Variants in TPD52L1 observed in about 807,000 individuals in gnomAD.
The protein encoded by TPD52L1 is TPD52 like 1.
TPD52L1 carries 18 observed loss-of-function variants against 28.7 expected under a neutral mutation model. The ratio of observed to expected loss-of-function variants is 0.63; its 90% CI spans 0.43 to 0.93. The LOEUF (loss-of-function observed/expected upper bound fraction) is 0.93, where lower values mean the gene tolerates loss of function less well. Ranked by LOEUF, TPD52L1 falls within the 40% of genes least tolerant of loss-of-function variation. The pLI is 0.00. For missense variants in TPD52L1, 203 were observed against 254.8 expected (o/e 0.80, Z 1.39); for synonymous variants, 75 against 88.8 (o/e 0.84, Z 0.88).
intron 2 of TPD52L1, among the ~76,000 whole-genome samples, chr6:125,225,719 T>A (rs1433365351): frequency 1.3e-5 from 2 of 152,194 alleles, no homozygotes; most frequent in Non-Finnish European, 2.9e-5. Context: ...TTGCACTTCA[T>A]CTCATTCCAA....
chr6:125,235,409 G>T (rs560606250), intron 3 of TPD52L1, among the ~76,000 whole-genome samples: 1 of 151,600 alleles, frequency 6.6e-6, no homozygotes, highest in South Asian at 2.1e-4. Flanking sequence ...CAGCTAAAAA[G>T]AAAAAAAAGT....
At chr6:125,186,426 C>A (rs1432216574) in intron 1 of TPD52L1, among the ~76,000 whole-genome samples, 1 of 152,058 alleles carries the variant, frequency 6.6e-6, no homozygotes, top group African/African-American at 2.4e-5. Flanking sequence ...GTTTGTCAAA[C>A]CCTGGACCAG....
At chr6:125,211,807 AC>A (rs1339096692) in intron 1 of TPD52L1, among the ~76,000 whole-genome samples, 4 of 152,328 alleles carry the variant, frequency 2.6e-5, no homozygotes, top group Admixed American at 6.5e-5. Context: ...CTTTTCTACT[AC>A]ACACCTGATT....
chr6:125,176,043 T>G (rs1791802850), intron 1 of TPD52L1, among the ~76,000 whole-genome samples: 1 of 152,194 alleles, frequency 6.6e-6, no homozygotes, highest in African/African-American at 2.4e-5. Context: ...GGATGATCTC[T>G]TAGATTGCCA....
At chr6:125,167,618 A>T (rs1790995705) in intron 1 of TPD52L1, among the ~76,000 whole-genome samples, 1 of 152,374 alleles carries the variant, frequency 6.6e-6, no homozygotes, top group Non-Finnish European at 1.5e-5. Flanking sequence ...CTGAATTTTT[A>T]CAATTTTCAA....
At chr6:125,220,011 A>G (rs781048136) in intron 1 of TPD52L1, 67 bp from the exon 2 acceptor site, 3 of 1,143,094 alleles carry the variant, frequency 2.6e-6, no homozygotes, top group Admixed American at 1.7e-5. Flanking sequence ...CCTCCACACT[A>G]TGGAAGCAGA....
chr6:125,258,550 C>T (rs1333307719), intron 6 of TPD52L1, among the ~76,000 whole-genome samples: 1 of 152,062 alleles, frequency 6.6e-6, no homozygotes, highest in Non-Finnish European at 1.5e-5. Context: ...CAAGTTCTGA[C>T]AAAGGACAAG....
intron 1 of TPD52L1, among the ~76,000 whole-genome samples, chr6:125,218,318 C>T (rs1207154210): frequency 6.6e-6 from 1 of 152,138 alleles, no homozygotes; most frequent in African/African-American, 2.4e-5. Flanking sequence ...ATTTGTATTT[C>T]CCTGAGCATC....
At chr6:125,259,318 G>A (rs1315540161) in intron 6 of TPD52L1, among the ~76,000 whole-genome samples, 2 of 152,166 alleles carry the variant, frequency 1.3e-5, no homozygotes, top group Non-Finnish European at 2.9e-5. Context: ...GTCCACTCCT[G>A]CCATCTTCTC....
At chr6:125,169,687 C>G (rs1791151008) in intron 1 of TPD52L1, among the ~76,000 whole-genome samples, 1 of 152,170 alleles carries the variant, frequency 6.6e-6, no homozygotes, top group African/African-American at 2.4e-5. Context: ...TTCCTTATCT[C>G]CCATGCGCAT....
chr6:125,170,725 G>C (rs1164796871), intron 1 of TPD52L1, among the ~76,000 whole-genome samples: 3 of 152,074 alleles, frequency 2.0e-5, no homozygotes, highest in Non-Finnish European at 4.4e-5. Flanking sequence ...CCAATGTCTT[G>C]GCTTGCAAGT....
rs536209409 is a variant in TPD52L1, at chr6:125,206,328, T to C, written c.20-13750T>C. The stretch of plus-strand genomic sequence containing the variant: ...GTGCAATTTATAATGCAATTTGTAA[T>C]GTCATTTATACTGTATATAGTATAT... On this transcript the variant is annotated intron_variant, in intron 1 of 6. Transcript: ENST00000534000. 7.0e-4 allele frequency among the ~76,000 whole-genome samples: 107 copies of C among 152,302 alleles called. 1 individual carries two copies. Among genetic ancestry groups the C allele is most frequent in the Middle Eastern group, 3.4e-3 (1 of 294 alleles).
At chr6:125,180,486 C>T (rs772199392) in intron 1 of TPD52L1, among the ~76,000 whole-genome samples, 3 of 151,960 alleles carry the variant, frequency 2.0e-5, no homozygotes, top group Non-Finnish European at 4.4e-5. Flanking sequence ...AAATTACTGA[C>T]ACATATAAGA....
At chr6:125,247,440 T>G (rs542629079) in intron 3 of TPD52L1, among the ~76,000 whole-genome samples, 1 of 152,270 alleles carries the variant, frequency 6.6e-6, no homozygotes, top group East Asian at 1.9e-4. Context: ...AGGACAACCT[T>G]TGGTCTTGCT....
Position 125,263,597 on chromosome 6 carries a change from TA to T in TPD52L1, c.*637del, listed in dbSNP as rs1798175468. 6.5e-6 allele frequency: 1 copy of T among 152,746 alleles called. No homozygotes were observed. Among genetic ancestry groups the T allele is most frequent in the Non-Finnish European group, 1.5e-5 (1 of 68,076 alleles). 9.5% of individuals were successfully genotyped at this position (152,746 alleles called of 1,614,324 possible). A position where few individuals can be genotyped will look rare whatever the true frequency, so the allele number is the denominator to read the frequency against. On this transcript the variant is annotated 3_prime_UTR_variant, in exon 7 of 7. Coordinates refer to ENST00000534000, the MANE Select transcript of TPD52L1 (RefSeq NM_003287.4). ...AGCCAGGTGCGGCGGCTCACACCTG[TA>T]ATCCCAACTATTTTGGATGCCAAGG... is the stretch of plus-strand genomic sequence containing the variant.
chr6:125,245,828 G>A (rs1469558122), intron 3 of TPD52L1, among the ~76,000 whole-genome samples: 3 of 152,162 alleles, frequency 2.0e-5, no homozygotes, highest in African/African-American at 4.8e-5. Context: ...CCTGCCCCAG[G>A]CCATAGGCTT....
At chr6:125,248,232 T>C in intron 3 of TPD52L1, 50 bp from the exon 4 acceptor site, 1 of 1,430,828 alleles carries the variant, frequency 7.0e-7, no homozygotes, top group South Asian at 1.2e-5. Flanking sequence ...AGATGAATTG[T>C]TTATGGGAGA....
chr6:125,225,192 T>C (rs1375307978), intron 2 of TPD52L1, among the ~76,000 whole-genome samples: 1 of 152,274 alleles, frequency 6.6e-6, no homozygotes, highest in Non-Finnish European at 1.5e-5. Context: ...ATTGTTTTTA[T>C]GGCTGAATAA....
chr6:125,200,732 T>C (rs560757110), intron 1 of TPD52L1, among the ~76,000 whole-genome samples: 11 of 152,342 alleles, frequency 7.2e-5, no homozygotes, highest in Admixed American at 2.6e-4. Context: ...AACTTGATTT[T>C]TGCATTCAAC....
Sources: gnomAD v4.1 joint callset for allele counts (sites outside exome capture counted in the v4.1 genomes callset) on GRCh38, gnomAD v4.1.1 for gene constraint, MANE v1.5 for transcripts, NCBI Gene and HGNC (gene_info 2026-07-23, HGNC 2026-07-21) for gene names.